The following RABGAP1 variants were observed in gnomAD, a reference collection of about 807,000 sequenced individuals.
The protein encoded by RABGAP1 is RAB GTPase activating protein 1, also known as rab GTPase-activating protein 1.
RABGAP1 carries 23 observed loss-of-function variants against 137.6 expected under a neutral mutation model. The observed-to-expected ratio is 0.17, with a 90% CI of 0.12 to 0.24. RABGAP1 has a LOEUF of 0.24. RABGAP1 is among the 10% of genes least tolerant of loss of function. RABGAP1 has a pLI of 1.00. For missense variants in RABGAP1, 906 were observed against 1,275.8 expected (o/e 0.71, Z 4.42); for synonymous variants, 451 against 450.7 (o/e 1.00, Z -0.01).
chr9:122,934,187 C>T, the RABGAP1 span, among the ~76,000 whole-genome samples: 7 of 151,756 alleles, frequency 4.6e-5, no homozygotes, highest in African/African-American at 1.7e-4. Flanking sequence ...ACGCCATTCT[C>T]CTGCCTCAGC....
chr9:123,058,663 A>G (rs1019984642), intron 13 of RABGAP1, among the ~76,000 whole-genome samples: 16 of 152,322 alleles, frequency 1.1e-4, no homozygotes, highest in African/African-American at 3.6e-4. Flanking sequence ...TTAGTGAATA[A>G]ATTTAAGAAG....
chr9:123,057,458 G>A (rs140084491), intron 13 of RABGAP1, among the ~76,000 whole-genome samples: 16,177 of 151,090 alleles, frequency 0.11, 2,789 homozygotes, highest in African/African-American at 0.37. Flanking sequence ...GACGATGGGC[G>A]GCCGGGCAGA....
At chr9:123,043,417 T>C (rs184310366) in intron 13 of RABGAP1, among the ~76,000 whole-genome samples, 2 of 152,190 alleles carry the variant, frequency 1.3e-5, no homozygotes, top group East Asian at 3.9e-4. Flanking sequence ...TTTAGTTTTG[T>C]GAGATTTTTA....
chr9:122,974,141 T>C (rs1324253349), intron 2 of RABGAP1, among the ~76,000 whole-genome samples: 1 of 152,148 alleles, frequency 6.6e-6, no homozygotes, highest in African/African-American at 2.4e-5. Flanking sequence ...TGGAGACACA[T>C]CAGTAAATAC....
chr9:122,935,159 T>C, the RABGAP1 span, among the ~76,000 whole-genome samples: 1 of 152,224 alleles, frequency 6.6e-6, no homozygotes, highest in Non-Finnish European at 1.5e-5. Flanking sequence ...GTATATTCTA[T>C]AGATATTTTA....
chr9:123,065,553 T>G, intron 14 of RABGAP1, 92 bp downstream of exon 14: 1 of 967,146 alleles, frequency 1.0e-6, no homozygotes, highest in Non-Finnish European at 1.6e-6. Flanking sequence ...GTAATTTGTA[T>G]TTGATGTTCA....
At chr9:123,010,602 A>T in intron 11 of RABGAP1, 74 bp downstream of exon 11, 1 of 1,372,818 alleles carries the variant, frequency 7.3e-7, no homozygotes, top group Middle Eastern at 1.9e-4. Context: ...GTATCAGGGG[A>T]TTGATAATGT....
intron 2 of RABGAP1, among the ~76,000 whole-genome samples, chr9:122,975,723 G>T (rs905883841): frequency 6.6e-6 from 1 of 152,212 alleles, no homozygotes; most frequent in African/African-American, 2.4e-5. Flanking sequence ...GTACTGTGGT[G>T]TGAGAGTTAA....
intron 24 of RABGAP1, 60 bp downstream of exon 24, chr9:123,099,609 A>G (rs700081): frequency 0.84 from 1,216,596 of 1,449,296 alleles, 520,868 homozygotes; most frequent in South Asian, 0.89. Context: ...TGGCTGTATA[A>G]ACAGGTTTTG....
chr9:122,974,889 A>G (rs1835684165), intron 2 of RABGAP1, among the ~76,000 whole-genome samples: 1 of 152,224 alleles, frequency 6.6e-6, no homozygotes, highest in Non-Finnish European at 1.5e-5. Context: ...TCATAAAGAA[A>G]TTTACTGATT....
chr9:122,944,796 C>T (rs934591884), intron 1 of RABGAP1, among the ~76,000 whole-genome samples: 5 of 151,558 alleles, frequency 3.3e-5, no homozygotes, highest in African/African-American at 1.2e-4. Flanking sequence ...AGGCTGGTCT[C>T]GAACTCCTGA....
intron 11 of RABGAP1, among the ~76,000 whole-genome samples, chr9:123,012,123 A>G (rs1213674157): frequency 2.0e-5 from 3 of 152,256 alleles, no homozygotes; most frequent in Non-Finnish European, 4.4e-5. Context: ...CACATAAAGC[A>G]TTTTGAAGTA....
At chr9:123,010,615 T>TA in intron 11 of RABGAP1, 87 bp downstream of exon 11, 1 of 1,241,066 alleles carries the variant, frequency 8.1e-7, no homozygotes, top group Non-Finnish European at 1.1e-6. Flanking sequence ...GATAATGTGA[T>TA]ACGGCATTTA....
chr9:122,955,867 G>A (rs968755412), intron 1 of RABGAP1, among the ~76,000 whole-genome samples: 1 of 152,134 alleles, frequency 6.6e-6, no homozygotes, highest in Non-Finnish European at 1.5e-5. Flanking sequence ...CAGATTTTTA[G>A]AACCTTACAT....
chr9:122,988,173 T>C (rs1836465044), intron 4 of RABGAP1, among the ~76,000 whole-genome samples: 1 of 152,220 alleles, frequency 6.6e-6, no homozygotes, highest in African/African-American at 2.4e-5. Context: ...TATTTTTAAT[T>C]CTATAAAAGA....
intron 10 of RABGAP1, among the ~76,000 whole-genome samples, chr9:123,001,482 A>G (rs1425596329): frequency 2.6e-5 from 4 of 152,230 alleles, no homozygotes; most frequent in Non-Finnish European, 5.9e-5. Context: ...CCTATTGGGT[A>G]TATTTAGAAA....
chr9:123,100,087 C>A (rs906346028), intron 24 of RABGAP1, among the ~76,000 whole-genome samples: 3 of 152,174 alleles, frequency 2.0e-5, no homozygotes, highest in African/African-American at 4.8e-5. Context: ...GCCTGAGCTG[C>A]TGGACTCCAG....
intron 13 of RABGAP1, among the ~76,000 whole-genome samples, chr9:123,036,598 G>GA: frequency 6.6e-6 from 1 of 152,282 alleles, no homozygotes; most frequent in African/African-American, 2.4e-5. Flanking sequence ...AACTGAGTCA[G>GA]AAAGTATACC....
intron 11 of RABGAP1, among the ~76,000 whole-genome samples, chr9:123,012,063 G>C (rs2030858398): frequency 6.6e-6 from 1 of 152,240 alleles, no homozygotes. Flanking sequence ...ATCTAGGTCT[G>C]TGAATCCACA....
Sources: allele counts gnomAD v4.1 joint callset (sites outside exome capture counted in the v4.1 genomes callset), GRCh38; gene constraint gnomAD v4.1.1; transcripts MANE v1.5; gene names NCBI Gene and HGNC (gene_info 2026-07-23, HGNC 2026-07-21).